The following MEGF10 variants were observed in gnomAD, a reference collection of about 807,000 sequenced individuals.
The protein encoded by MEGF10 is multiple epidermal growth factor-like domains protein 10.
Under a neutral mutation model 147.5 loss-of-function variants are expected in MEGF10, and 86 were observed. That is an observed-to-expected ratio of 0.58 (90% CI 0.49 to 0.70). The LOEUF (loss-of-function observed/expected upper bound fraction) is 0.70, where lower values mean the gene tolerates loss of function less well. Among genes scored for constraint, MEGF10 ranks in the 30% least tolerant of loss-of-function variants. The probability of loss-of-function intolerance (pLI) is 0.00; values close to 1 mark genes in which losing one functional copy is unlikely to be tolerated. For synonymous variants in MEGF10, 478 were observed against 525.5 expected (o/e 0.91, Z 1.24); for missense variants, 1,329 against 1,487.3 (o/e 0.89, Z 1.75).
chr5:127,281,945 C>T, the MEGF10 span, among the ~76,000 whole-genome samples: 5 of 152,200 alleles, frequency 3.3e-5, no homozygotes, highest in Non-Finnish European at 5.9e-5. Flanking sequence ...CTTGTGGTGT[C>T]GATTTGGCCC....
At chr5:127,435,212 C>G in intron 15 of MEGF10, 149 bp from the exon 16 acceptor site, 5 of 897,426 alleles carry the variant, frequency 5.6e-6, no homozygotes, top group Non-Finnish European at 8.2e-6. Context: ...AAAAATGAGC[C>G]CATTCAAGAT....
intron 4 of MEGF10, among the ~76,000 whole-genome samples, chr5:127,357,438 C>T (rs74290650): frequency 0.017 from 2,649 of 151,642 alleles, 67 homozygotes; most frequent in Middle Eastern, 0.096. Context: ...AATGATAGAT[C>T]GGGCAGCTGA....
In MEGF10 at chr5:127,376,344, C is replaced by T. The variant is rs141259523; in HGVS notation, c.412+6342C>T. 2.2e-3 allele frequency among the ~76,000 whole-genome samples: 330 copies of T among 152,220 alleles called. 2 individuals are homozygous for T. The highest frequency in any genetic ancestry group is 0.01 in the Middle Eastern group (3 of 294). ...AAAGAAAAGAGGGAGAGGCTGGAGACTGGGTTGAGAGAGTGGATTGCGGAA... is the reference window on the plus strand; with the variant it reads ...AAAGAAAAGAGGGAGAGGCTGGAGATTGGGTTGAGAGAGTGGATTGCGGAA... On this transcript the variant is annotated intron_variant, in intron 5 of 24. Coordinates refer to ENST00000503335, the MANE Select transcript of MEGF10 (RefSeq NM_001256545.2).
At chr5:127,360,864 G>GTATA (rs370089072) in intron 4 of MEGF10, among the ~76,000 whole-genome samples, 4 of 148,976 alleles carry the variant, frequency 2.7e-5, no homozygotes, top group African/African-American at 9.8e-5. Context: ...ATATGTGTGT[G>GTATA]TATATATATA....
At chr5:127,262,214 T>A in the MEGF10 span, among the ~76,000 whole-genome samples, 1 of 152,202 alleles carries the variant, frequency 6.6e-6, no homozygotes, top group Non-Finnish European at 1.5e-5. Flanking sequence ...TTACTCTCTA[T>A]GTTATCTTCT....
intron 22 of MEGF10, among the ~76,000 whole-genome samples, chr5:127,449,720 T>A (rs1766084856): frequency 6.6e-6 from 1 of 152,126 alleles, no homozygotes; most frequent in Non-Finnish European, 1.5e-5. Context: ...GAGATCCCCT[T>A]CCCTTTCAGG....
intron 1 of MEGF10, among the ~76,000 whole-genome samples, chr5:127,308,098 A>G (rs1760099598): frequency 6.6e-6 from 1 of 152,202 alleles, no homozygotes; most frequent in Admixed American, 6.5e-5. Context: ...TATAAATAAC[A>G]ACTGCTCTGT....
At chr5:127,275,149 A>G in the MEGF10 span, among the ~76,000 whole-genome samples, 2 of 152,344 alleles carry the variant, frequency 1.3e-5, no homozygotes, top group Admixed American at 6.5e-5. Context: ...GTACTAACAT[A>G]TCTGTTACCA....
At chr5:127,380,230 G>T (rs1027273514) in intron 5 of MEGF10, among the ~76,000 whole-genome samples, 10 of 152,114 alleles carry the variant, frequency 6.6e-5, no homozygotes, top group Middle Eastern at 3.2e-3. Flanking sequence ...AGGAATGAAG[G>T]CGTAAATGTG....
At chr5:127,369,870 G>C (rs1213389385) in intron 4 of MEGF10, 40 bp from the exon 5 acceptor site, 1 of 1,535,158 alleles carries the variant, frequency 6.5e-7, no homozygotes, top group Non-Finnish European at 8.9e-7. Context: ...TTTTTTTCTT[G>C]TGCCAACTTT....
At chr5:127,405,395 A>G (rs1195152682) in intron 8 of MEGF10, among the ~76,000 whole-genome samples, 1 of 152,084 alleles carries the variant, frequency 6.6e-6, no homozygotes, top group Non-Finnish European at 1.5e-5. Context: ...ATTTTTTAAA[A>G]TTTCATTTCT....
At chr5:127,435,257 A>G (rs1044275476) in intron 15 of MEGF10, 104 bp from the exon 16 acceptor site, 91 of 1,327,094 alleles carry the variant, frequency 6.9e-5, no homozygotes, top group South Asian at 4.8e-4. Flanking sequence ...GCTACCAATG[A>G]GCAGCTGGGC....
chr5:127,267,719 T>C, the MEGF10 span, among the ~76,000 whole-genome samples: 1 of 152,356 alleles, frequency 6.6e-6, no homozygotes, highest in Non-Finnish European at 1.5e-5. Context: ...TAGAGGTGTT[T>C]ATAGTACTCT....
At chr5:127,421,379 T>G (rs1764995445) in intron 12 of MEGF10, among the ~76,000 whole-genome samples, 1 of 152,242 alleles carries the variant, frequency 6.6e-6, no homozygotes, top group Admixed American at 6.5e-5. Flanking sequence ...ATTATTCATC[T>G]AGCACCCACT....
rs538853189 is a variant in MEGF10 at position 127,414,298 on chromosome 5, T to G, written c.1131-3340T>G. ...AAGTTTGATTCTGCCTCACTACCTG[T>G]GTGAGACTTTGAATAAATAATTTAC... On this transcript the variant is annotated intron_variant, in intron 9 of 24. Transcript: ENST00000503335. 4.6e-5 allele frequency among the ~76,000 whole-genome samples: 7 copies of G among 152,254 alleles called. No homozygotes were observed. In the South Asian group the frequency reaches 1.5e-3, roughly 32 times the overall value.
chr5:127,402,744 G>T (rs953817281), intron 8 of MEGF10, 62 bp downstream of exon 8: 4 of 1,572,010 alleles, frequency 2.5e-6, no homozygotes, highest in South Asian at 1.2e-5. Context: ...AGTTTGTAGG[G>T]TCCGGGGAGC....
the MEGF10 span, among the ~76,000 whole-genome samples, chr5:127,236,290 G>C: frequency 6.6e-6 from 1 of 152,278 alleles, no homozygotes; most frequent in East Asian, 1.9e-4. Flanking sequence ...TTAAGGTAAA[G>C]AGCTGGATAG....
chr5:127,297,921 G>A (rs1271599938), intron 1 of MEGF10, among the ~76,000 whole-genome samples: 2 of 152,150 alleles, frequency 1.3e-5, no homozygotes, highest in African/African-American at 4.8e-5. Context: ...TGGGGCTAGA[G>A]ACGGAGACAG....
intron 24 of MEGF10, among the ~76,000 whole-genome samples, chr5:127,456,819 C>G (rs1766377086): frequency 6.6e-6 from 1 of 152,104 alleles, no homozygotes; most frequent in South Asian, 2.1e-4. Flanking sequence ...AGGGGCTTGG[C>G]CTACCTTATC....
Sources: allele counts gnomAD v4.1 joint callset (sites outside exome capture counted in the v4.1 genomes callset), GRCh38; gene constraint gnomAD v4.1.1; transcripts MANE v1.5; gene names NCBI Gene and HGNC (gene_info 2026-07-23, HGNC 2026-07-21).